The following NRG3 variants were observed in gnomAD, a reference collection of about 807,000 sequenced individuals.
NRG3 encodes pro-neuregulin-3, membrane-bound isoform.
In NRG3, 31 loss-of-function variants were observed where a neutral mutation model predicts 66.9. The observed-to-expected ratio is 0.46, with a 90% CI of 0.35 to 0.63. The LOEUF is 0.63. Among genes scored for constraint, NRG3 ranks in the 20% least tolerant of loss-of-function variants. NRG3 has a pLI of 0.00. For synonymous variants in NRG3, 393 were observed against 359.4 expected (o/e 1.09, Z -1.06); for missense variants, 910 against 878.9 (o/e 1.04, Z -0.45).
At chr10:82,064,342 T>C (rs2064326745) in intron 1 of NRG3, among the ~76,000 whole-genome samples, 2 of 151,894 alleles carry the variant, frequency 1.3e-5, no homozygotes, top group Non-Finnish European at 2.9e-5. Context: ...CTAAAGGTAA[T>C]CATTTTCTTA....
intron 1 of NRG3, among the ~76,000 whole-genome samples, chr10:82,209,948 T>C (rs1296007412): frequency 2.0e-5 from 3 of 152,116 alleles, no homozygotes; most frequent in Non-Finnish European, 4.4e-5. Flanking sequence ...AAATCAAGGA[T>C]ATATATTTTC....
At chr10:82,811,199 T>G (rs2061479894) in intron 3 of NRG3, among the ~76,000 whole-genome samples, 1 of 152,240 alleles carries the variant, frequency 6.6e-6, no homozygotes, top group Admixed American at 6.5e-5. Flanking sequence ...TTCATATGAC[T>G]TATAACCATC....
intron 1 of NRG3, among the ~76,000 whole-genome samples, chr10:82,067,463 T>A (rs2064547077): frequency 6.6e-6 from 1 of 152,222 alleles, no homozygotes. Context: ...TTCTCCTGCC[T>A]CAGCCTCCCA....
chr10:82,039,028 G>A (rs144894505), intron 1 of NRG3, among the ~76,000 whole-genome samples: 1 of 152,232 alleles, frequency 6.6e-6, no homozygotes, highest in East Asian at 1.9e-4. Flanking sequence ...ATTTTGTTTT[G>A]AAATGTGTTC....
intron 1 of NRG3, among the ~76,000 whole-genome samples, chr10:82,170,255 G>T (rs1473163094): frequency 6.6e-6 from 1 of 151,964 alleles, no homozygotes; most frequent in Non-Finnish European, 1.5e-5. Flanking sequence ...CAGAAAAATG[G>T]CATGGGTGAG....
At chr10:82,584,031 T>C (rs1297521257) in intron 2 of NRG3, among the ~76,000 whole-genome samples, 1 of 152,168 alleles carries the variant, frequency 6.6e-6, no homozygotes, top group Non-Finnish European at 1.5e-5. Context: ...AAATAAAACA[T>C]TTAAAGAGCC....
intron 1 of NRG3, among the ~76,000 whole-genome samples, chr10:82,086,127 C>A (rs897238272): frequency 6.6e-6 from 1 of 151,308 alleles, no homozygotes; most frequent in South Asian, 2.1e-4. Flanking sequence ...AAAAAAAAAT[C>A]TAACCTGAAG....
chr10:82,134,168 T>C (rs569471304), intron 1 of NRG3, among the ~76,000 whole-genome samples: 3 of 152,320 alleles, frequency 2.0e-5, no homozygotes, highest in African/African-American at 7.2e-5. Flanking sequence ...TAGACCTTTG[T>C]CACATGCATA....
chr10:82,281,140 T>A (rs1309713800), intron 1 of NRG3, among the ~76,000 whole-genome samples: 5 of 152,152 alleles, frequency 3.3e-5, no homozygotes, highest in Non-Finnish European at 2.9e-5. Context: ...TGCTGCAATT[T>A]TTACCAAGTT....
intron 1 of NRG3, among the ~76,000 whole-genome samples, chr10:82,149,080 T>A (rs867536539): frequency 0.024 from 3,638 of 151,416 alleles, 146 homozygotes; most frequent in African/African-American, 0.084. Flanking sequence ...TTTTGTTTTT[T>A]TTTTAAGCAT....
intron 1 of NRG3, among the ~76,000 whole-genome samples, chr10:82,138,378 A>G (rs370483491): frequency 6.6e-6 from 1 of 152,154 alleles, no homozygotes; most frequent in African/African-American, 2.4e-5. Context: ...TTGGCTTACT[A>G]TATTGGCCCA....
intron 1 of NRG3, among the ~76,000 whole-genome samples, chr10:82,186,769 C>G (rs551824127): frequency 6.6e-6 from 1 of 152,258 alleles, no homozygotes; most frequent in African/African-American, 2.4e-5. Context: ...CCTTATGTAT[C>G]TGTATACATT....
intron 2 of NRG3, among the ~76,000 whole-genome samples, chr10:82,594,760 C>G (rs2047176154): frequency 6.6e-6 from 1 of 151,890 alleles, no homozygotes; most frequent in African/African-American, 2.4e-5. Context: ...AATTTCTCTT[C>G]CCATGGCCCT....
intron 1 of NRG3, among the ~76,000 whole-genome samples, chr10:82,333,163 G>T (rs1221616256): frequency 6.6e-6 from 1 of 152,088 alleles, no homozygotes; most frequent in East Asian, 1.9e-4. Context: ...TTCTATATTC[G>T]TTTAGGTGGT....
At chr10:82,828,717 A>C (rs2062368597) in intron 3 of NRG3, among the ~76,000 whole-genome samples, 1 of 152,292 alleles carries the variant, frequency 6.6e-6, no homozygotes, top group African/African-American at 2.4e-5. Context: ...TAAACCATGA[A>C]AGCTTATATG....
rs996387467 is a variant in NRG3 at position 82,986,263 on chromosome 10, CA to C, written c.*665del. On this transcript the variant is annotated 3_prime_UTR_variant, in exon 9 of 9. Coordinates refer to ENST00000372141, the MANE Select transcript of NRG3 (RefSeq NM_001010848.4). ...TATGAAATTATTACAGAAAAAGAGACAAAAAAATCCTTATATCGTGTCACTA... is the reference window on the plus strand; with the variant it reads ...TATGAAATTATTACAGAAAAAGAGACAAAAAATCCTTATATCGTGTCACTA... 1 of 152,014 alleles carries C rather than the reference CA, an allele frequency of 6.6e-6. No individual in the cohort carries two copies. The highest frequency in any genetic ancestry group is 1.5e-5 in the Non-Finnish European group (1 of 67,998). 9.4% of individuals were successfully genotyped at this position (152,014 alleles called of 1,614,324 possible).
At chr10:81,994,096 A>C (rs968129923) in intron 1 of NRG3, among the ~76,000 whole-genome samples, 3 of 152,176 alleles carry the variant, frequency 2.0e-5, no homozygotes, top group Non-Finnish European at 4.4e-5. Context: ...TTTCTCTGTA[A>C]TGACAAATTA....
chr10:81,893,445 C>CTT (rs150081828), intron 1 of NRG3, among the ~76,000 whole-genome samples: 2 of 151,010 alleles, frequency 1.3e-5, no homozygotes, highest in East Asian at 1.9e-4. Flanking sequence ...ATGGAATGGA[C>CTT]TTTTTTTTTG....
At chr10:82,939,589 C>G (rs1374232588) in intron 4 of NRG3, among the ~76,000 whole-genome samples, 1 of 151,878 alleles carries the variant, frequency 6.6e-6, no homozygotes, top group Non-Finnish European at 1.5e-5. Context: ...CCTGCCTCAG[C>G]CTTCCGAGTA....
Sources: allele counts gnomAD v4.1 joint callset (sites outside exome capture counted in the v4.1 genomes callset), GRCh38; gene constraint gnomAD v4.1.1; transcripts MANE v1.5; gene names NCBI Gene and HGNC (gene_info 2026-07-23, HGNC 2026-07-21).